Variants in AXDND1 observed in about 807,000 individuals in gnomAD.
AXDND1 encodes the protein axonemal dynein light chain domain-containing protein 1.
In AXDND1, 110 loss-of-function variants were observed where a neutral mutation model predicts 137.5. The observed-to-expected ratio is 0.80, with a 90% CI of 0.69 to 0.94. The LOEUF (loss-of-function observed/expected upper bound fraction) is 0.94. Among genes scored for constraint, AXDND1 ranks in the 40% least tolerant of loss-of-function variants. AXDND1 has a pLI of 0.00. For synonymous variants in AXDND1, 414 were observed against 399.7 expected (o/e 1.04, Z -0.43); for missense variants, 1,191 against 1,169.8 (o/e 1.02, Z -0.26).
chr1:179,523,457 C>G (rs1670258201), intron 21 of AXDND1, among the ~76,000 whole-genome samples: 1 of 152,106 alleles, frequency 6.6e-6, no homozygotes, highest in Admixed American at 6.5e-5. Flanking sequence ...CAAAGTTGTA[C>G]AGTGATAATC....
chr1:179,518,160 G>A (rs766794748), intron 21 of AXDND1, among the ~76,000 whole-genome samples: 5 of 152,078 alleles, frequency 3.3e-5, no homozygotes, highest in Non-Finnish European at 2.9e-5. Context: ...ATGTCTCCTC[G>A]TAGCTTTAGC....
At chr1:179,545,833 G>A (rs917206594) in intron 25 of AXDND1, 4 of 152,124 alleles carry the variant, frequency 2.6e-5, no homozygotes, top group African/African-American at 9.7e-5. Flanking sequence ...ACTACAATTA[G>A]AATGAGGTGA....
chr1:179,452,619 C>T (rs1477053303), intron 16 of AXDND1: 8 of 124,212 alleles, frequency 6.4e-5, no homozygotes, highest in East Asian at 2.6e-4. Flanking sequence ...ACCCGGGAAG[C>T]GGAGCTTGCA....
intron 18 of AXDND1, among the ~76,000 whole-genome samples, chr1:179,488,639 CTTTCTTTCTTTCTTTCTT>C (rs1553292178): frequency 0.022 from 1,090 of 50,410 alleles, 99 homozygotes; most frequent in Admixed American, 0.035. Context: ...TCTCTCCTTT[CTTTCTTTCTTTCTTTCTT>C]TCTTTCTTTC....
In AXDND1 at chr1:179,544,079, G is replaced by A. The variant is rs41267600; in HGVS notation, c.3031+9117G>A. 592 of 152,680 alleles carry A rather than the reference G, an allele frequency of 3.9e-3. 4 individuals carry two copies. Among genetic ancestry groups the A allele is most frequent in the Non-Finnish European group, 5.1e-3 (345 of 68,030 alleles). The allele number at this position is 152,680 out of a possible 1,614,324, so 9.5% of individuals were successfully genotyped here. On this transcript the variant is annotated intron_variant, in intron 25 of 25. Transcript: ENST00000367618. ...CTGAACACACCCCAGATATCACTGC[G>A]TTATAGAGCTGATGTGGCTCAGTTG... is the stretch of plus-strand genomic sequence containing the variant.
intron 12 of AXDND1, among the ~76,000 whole-genome samples, chr1:179,413,837 T>C (rs1430005089): frequency 1.3e-5 from 2 of 152,152 alleles, no homozygotes; most frequent in African/African-American, 4.8e-5. Flanking sequence ...TCCACAGGGG[T>C]TGAACTAATT....
At chr1:179,493,810 A>G (rs746503597) in intron 20 of AXDND1, among the ~76,000 whole-genome samples, 6 of 152,192 alleles carry the variant, frequency 3.9e-5, no homozygotes, top group Non-Finnish European at 8.8e-5. Context: ...ACATGCATCA[A>G]GATATCACAT....
intron 5 of AXDND1, 41 bp downstream of exon 5, chr1:179,378,798 C>A: frequency 7.2e-7 from 1 of 1,395,130 alleles, no homozygotes; most frequent in Non-Finnish European, 9.4e-7. Flanking sequence ...CTCCCTCTGT[C>A]TACTTTTAAA....
chr1:179,531,331 A>C (rs1486653691), intron 23 of AXDND1, among the ~76,000 whole-genome samples: 1 of 152,160 alleles, frequency 6.6e-6, no homozygotes. Context: ...CTCTGGAATA[A>C]TGGCTGAATT....
At chr1:179,541,479 G>GT (rs772571440) in intron 25 of AXDND1, among the ~76,000 whole-genome samples, 17,697 of 139,602 alleles carry the variant, frequency 0.13, 1,212 homozygotes, top group East Asian at 0.18. Flanking sequence ...ATCCGTTTTT[G>GT]TTTTTTTTTT....
At chr1:179,481,069 G>A (rs1014399145) in intron 17 of AXDND1, among the ~76,000 whole-genome samples, 2 of 151,374 alleles carry the variant, frequency 1.3e-5, no homozygotes, top group African/African-American at 2.4e-5. Flanking sequence ...GTGCCATGTT[G>A]GTGTGCTGCA....
chr1:179,390,689 A>T (rs80140764), intron 9 of AXDND1, among the ~76,000 whole-genome samples: 1 of 123,804 alleles, frequency 8.1e-6, no homozygotes, highest in Non-Finnish European at 1.8e-5. Context: ...TTAGGGCTCT[A>T]CAATTTTCTA....
At chr1:179,548,005 C>T (rs10494515) in intron 25 of AXDND1, among the ~76,000 whole-genome samples, 43,866 of 151,870 alleles carry the variant, frequency 0.29, 6,588 homozygotes, top group East Asian at 0.49. Context: ...ACTATGATCC[C>T]GAACAGCTGT....
rs780350367 is a variant in AXDND1 at position 179,525,431 on chromosome 1, A to C, written c.2594A>C (p.Lys865Thr). Residue 865 changes from lysine (K) to threonine (T), a missense_variant, in exon 22 of 26, where the codon AAA becomes ACA. Physicochemically the swap from Lys to Thr is moderately conservative, Grantham distance 78. Coordinates refer to ENST00000367618, the MANE Select transcript of AXDND1 (RefSeq NM_144696.6). Reference protein sequence around the residue: ...KEDRKLQEENKERAEEQPSTS... With the variant: ...KEDRKLQEENTERAEEQPSTS... The stretch of plus-strand genomic sequence containing the variant: ...GATAGGAAACTTCAGGAGGAAAATA[A>C]AGAGAGAGCAGAAGAAGTAAGATTA... The C allele has an allele frequency of 5.0e-6, 8 of 1,610,072 alleles. No individual in the cohort carries two copies. The highest frequency in any genetic ancestry group is 8.5e-7 in the Non-Finnish European group (1 of 1,177,690).
rs1461563377 is a variant in AXDND1 at position 179,489,810 on chromosome 1, G to A, written c.2092-1728G>A. 3.8e-5 allele frequency among the ~76,000 whole-genome samples: 5 copies of A among 131,628 alleles called. No homozygotes were observed. In the East Asian group the frequency reaches 1.1e-3, roughly 30 times the overall value. 86.4% of individuals were successfully genotyped at this position (131,628 alleles called of 152,430 possible). On this transcript the variant is annotated intron_variant, in intron 18 of 25. Coordinates refer to ENST00000367618, the MANE Select transcript of AXDND1 (RefSeq NM_144696.6). ...GCCCAGGCTGGAGTGCAGTGGAACC[G>A]TCTCGGCTCACTGCAAGCTCCGCCT...
intron 21 of AXDND1, 137 bp downstream of exon 21, chr1:179,509,540 A>C (rs1228020363): frequency 1.7e-6 from 1 of 587,494 alleles, no homozygotes; most frequent in Non-Finnish European, 3.0e-6. Flanking sequence ...GGTTCTGATC[A>C]AGATCTTTCA....
chr1:179,427,685 A>G (rs535662584), intron 12 of AXDND1, among the ~76,000 whole-genome samples: 7 of 152,356 alleles, frequency 4.6e-5, no homozygotes, highest in South Asian at 2.1e-4. Context: ...AGTTATTACT[A>G]TCTGTCAGAT....
chr1:179,393,961 G>C lies in AXDND1; in HGVS notation c.922G>C (p.Asp308His). The C allele has an allele frequency of 6.2e-7, 1 of 1,612,112 alleles. No homozygotes were observed. The highest frequency in any genetic ancestry group is 8.5e-7 in the Non-Finnish European group (1 of 1,179,326). ...IARQMIDFYK[D>H]LVTQRVMDQR... ...TCGGCAGATGATTGATTTCTACAAA[G>C]ACTTGGTAACTCAGCGAGTGATGGA... is the stretch of plus-strand genomic sequence containing the variant. The change falls in exon 10 of 26, where the codon GAC becomes CAC. Residue 308 changes from aspartate (D) to histidine (H), a missense_variant. Transcript: ENST00000367618.
At chr1:179,395,235 G>T (rs200923163) in intron 11 of AXDND1, 33 bp downstream of exon 11, 1,076 of 1,557,816 alleles carry the variant, frequency 6.9e-4, no homozygotes, top group Admixed American at 1.7e-3. Flanking sequence ...AGCTTACATA[G>T]GGGAAAAGGA....
Sources: gnomAD v4.1 joint callset for allele counts (sites outside exome capture counted in the v4.1 genomes callset) on GRCh38, gnomAD v4.1.1 for gene constraint, MANE v1.5 for transcripts, NCBI Gene and HGNC (gene_info 2026-07-23, HGNC 2026-07-21) for gene names.